Variants in CHST9 observed in about 807,000 individuals in gnomAD.
The protein encoded by CHST9 is carbohydrate sulfotransferase 9, also known as GalNAc-4-sulfotransferase 2.
In CHST9, 41 loss-of-function variants were observed where a neutral mutation model predicts 44.4. That is an observed-to-expected ratio of 0.92 (90% CI 0.72 to 1.20). CHST9 has a LOEUF of 1.20. Ranked by LOEUF, CHST9 falls within the 50% of genes most tolerant of loss-of-function variation. The probability of loss-of-function intolerance (pLI) is 0.00; values close to 1 mark genes in which losing one functional copy is unlikely to be tolerated. For synonymous variants in CHST9, 171 were observed against 178.4 expected (o/e 0.96, Z 0.33); for missense variants, 504 against 516.5 (o/e 0.98, Z 0.23).
At position 27,134,934 on chromosome 18, in the gene CHST9, TAGAC is replaced by T. The variant is rs541963521; in HGVS notation, c.121+7751_121+7754del. On this transcript the variant is annotated intron_variant, in intron 2 of 5. Transcript: ENST00000618847. ...TAGTCAGAAAACAAAAAATTTCAGT[TAGAC>T]AGAGACAATTACATCAAGACATCTA... is the stretch of plus-strand genomic sequence containing the variant. Among the ~76,000 whole-genome samples the T allele has an allele frequency of 5.7e-4, 87 of 152,330 alleles. No individual in the cohort carries two copies. The South Asian group carries it at 6.4e-3, about 11-fold the overall frequency.
intron 4 of CHST9, among the ~76,000 whole-genome samples, chr18:26,965,630 AT>A (rs1378681270): frequency 6.6e-6 from 1 of 152,200 alleles, no homozygotes; most frequent in African/African-American, 2.4e-5. Flanking sequence ...TAACAATAAA[AT>A]TTACTGCATG....
At chr18:27,184,969 GA>G (rs1419842550) in intron 1 of CHST9, among the ~76,000 whole-genome samples, 166 bp downstream of exon 1, 1 of 152,116 alleles carries the variant, frequency 6.6e-6, no homozygotes, top group African/African-American at 2.4e-5. Flanking sequence ...AGGGGAGATA[GA>G]AAAAGGAAGA....
intron 3 of CHST9, among the ~76,000 whole-genome samples, chr18:27,033,762 C>A (rs2143504154): frequency 6.6e-6 from 1 of 152,238 alleles, no homozygotes; most frequent in Admixed American, 6.5e-5. Context: ...CTTACCTGAG[C>A]TCAAATAAGA....
chr18:26,936,248 G>C (rs1326652467), intron 5 of CHST9: 1 of 151,988 alleles, frequency 6.6e-6, no homozygotes, highest in African/African-American at 2.4e-5. Context: ...CTGAGATGAT[G>C]ACTACTCGAA....
At chr18:27,008,060 C>T (rs548081629) in intron 4 of CHST9, among the ~76,000 whole-genome samples, 9 of 152,134 alleles carry the variant, frequency 5.9e-5, no homozygotes, top group South Asian at 4.1e-4. Context: ...TGGGAGGACA[C>T]GGAGAGACAG....
Position 26,908,742 on chromosome 18 carries a change from G to A in CHST9, c.*7517C>T, listed in dbSNP as rs563168714. On this transcript the variant is annotated 3_prime_UTR_variant, in exon 6 of 6. Transcript: ENST00000618847. ...CAGTCAAATGTTGGCAATGTCATAT[G>A]GTTCAACCTAATAGAAAGGCAAAAA... is the stretch of plus-strand genomic sequence containing the variant. The A allele has an allele frequency of 4.6e-5, 7 of 152,214 alleles. No homozygotes were observed. The highest frequency in any genetic ancestry group is 1.4e-4 in the African/African-American group (6 of 41,528). The allele number at this position is 152,214 out of a possible 1,614,324, so 9.4% of individuals were successfully genotyped here.
chr18:26,918,523 CAT>C (rs777629481), intron 5 of CHST9, among the ~76,000 whole-genome samples: 1 of 148,060 alleles, frequency 6.8e-6, no homozygotes, highest in African/African-American at 2.5e-5. Context: ...ATATATAGTA[CAT>C]ATATATGTGT....
At chr18:26,972,823 C>T (rs1033965221) in intron 4 of CHST9, among the ~76,000 whole-genome samples, 2 of 152,128 alleles carry the variant, frequency 1.3e-5, no homozygotes, top group Non-Finnish European at 2.9e-5. Flanking sequence ...TACCAGATTT[C>T]CTTTCAAGTG....
At chr18:27,109,659 C>T (rs1246598457) in intron 2 of CHST9, among the ~76,000 whole-genome samples, 1 of 152,210 alleles carries the variant, frequency 6.6e-6, no homozygotes, top group African/African-American at 2.4e-5. Context: ...CTAATTGGTG[C>T]TGACGCCAGC....
At chr18:26,925,493 A>G (rs1264668377) in intron 5 of CHST9, among the ~76,000 whole-genome samples, 1 of 152,244 alleles carries the variant, frequency 6.6e-6, no homozygotes, top group African/African-American at 2.4e-5. Flanking sequence ...CAGCTGCATC[A>G]TATATCAAGC....
intron 5 of CHST9, among the ~76,000 whole-genome samples, chr18:26,942,528 A>G (rs1347368542): frequency 6.6e-6 from 1 of 152,182 alleles, no homozygotes; most frequent in African/African-American, 2.4e-5. Flanking sequence ...TGGTGTCTAC[A>G]TATTTTGTTA....
intron 2 of CHST9, among the ~76,000 whole-genome samples, chr18:27,066,604 T>C (rs1374024101): frequency 6.6e-6 from 1 of 152,136 alleles, no homozygotes; most frequent in Non-Finnish European, 1.5e-5. Context: ...GCCAATATGA[T>C]TGTTATACCT....
intron 4 of CHST9, among the ~76,000 whole-genome samples, chr18:26,974,435 G>A (rs2056591694): frequency 6.6e-6 from 1 of 152,178 alleles, no homozygotes. Flanking sequence ...GGGAAGAGAA[G>A]AATAAGATAT....
intron 4 of CHST9, among the ~76,000 whole-genome samples, chr18:26,949,753 T>A (rs2056218134): frequency 6.6e-6 from 1 of 152,164 alleles, no homozygotes; most frequent in Non-Finnish European, 1.5e-5. Flanking sequence ...GTTAAGGATC[T>A]GTGGATGGGA....
intron 1 of CHST9, among the ~76,000 whole-genome samples, chr18:27,183,130 G>A (rs1346173358): frequency 6.7e-6 from 1 of 149,784 alleles, no homozygotes; most frequent in Non-Finnish European, 1.5e-5. Context: ...GGGGTGGGGG[G>A]AAAGCAATCA....
At chr18:26,978,089 G>GT (rs34357394) in intron 4 of CHST9, among the ~76,000 whole-genome samples, 1,511 of 147,076 alleles carry the variant, frequency 0.01, 22 homozygotes, top group African/African-American at 0.032. Flanking sequence ...TTTTCCTGTG[G>GT]TTTTTTTTTT....
At chr18:26,949,843 G>C (rs1024604543) in intron 4 of CHST9, among the ~76,000 whole-genome samples, 2 of 152,174 alleles carry the variant, frequency 1.3e-5, no homozygotes, top group South Asian at 2.1e-4. Context: ...GAGAGAAGGC[G>C]AGGTGGCAGT....
chr18:27,096,366 A>C (rs1365348977), intron 2 of CHST9, among the ~76,000 whole-genome samples: 2 of 152,004 alleles, frequency 1.3e-5, no homozygotes, highest in East Asian at 3.9e-4. Context: ...ATCAAATTTC[A>C]AGGAACTAGA....
intron 1 of CHST9, among the ~76,000 whole-genome samples, chr18:27,158,567 G>A (rs1282555648): frequency 1.3e-5 from 2 of 152,034 alleles, no homozygotes; most frequent in African/African-American, 4.8e-5. Context: ...ATAAACATAT[G>A]TGTGCACGTG....
Sources: allele counts gnomAD v4.1 joint callset (sites outside exome capture counted in the v4.1 genomes callset), GRCh38; gene constraint gnomAD v4.1.1; transcripts MANE v1.5; gene names NCBI Gene and HGNC (gene_info 2026-07-23, HGNC 2026-07-21).